The following CLCN1 variants were observed in gnomAD, a reference collection of about 807,000 sequenced individuals.
CLCN1 encodes chloride voltage-gated channel 1, also known as chloride channel protein 1.
In CLCN1, 100 loss-of-function variants were observed where a neutral mutation model predicts 114.5. That is an observed-to-expected ratio of 0.87 (90% CI 0.74 to 1.03). The LOEUF is 1.03. Among genes scored for constraint, CLCN1 ranks in the 50% least tolerant of loss-of-function variants. The probability of loss-of-function intolerance (pLI) is 0.00; values close to 1 mark genes in which losing one functional copy is unlikely to be tolerated. For synonymous variants in CLCN1, 485 were observed against 487.1 expected, an observed-to-expected ratio of 1.00 and a Z score of 0.06; for missense variants, 1,188 against 1,250.0, an observed-to-expected ratio of 0.95 and a Z score of 0.75.
intron 16 of CLCN1, among the ~76,000 whole-genome samples, chr7:143,345,075 A>T (rs1384508331): frequency 1.3e-5 from 2 of 152,184 alleles, no homozygotes; most frequent in African/African-American, 4.8e-5. Flanking sequence ...ATGAAATGTC[A>T]GATACAAAAG....
At position 143,321,964 on chromosome 7, in the gene CLCN1, G is replaced by C; in HGVS notation, c.696+116G>C. 8.5e-7 allele frequency: 1 copy of C among 1,170,536 alleles called. No homozygotes were observed. Among genetic ancestry groups the C allele is most frequent in the Non-Finnish European group, 1.2e-6 (1 of 834,030 alleles). 72.5% of individuals were successfully genotyped at this position (1,170,536 alleles called of 1,614,324 possible). On this transcript the variant is annotated intron_variant, in intron 5 of 22. Transcript: ENST00000343257. This position sits in a 1 kb window ranked among gnomAD's most constrained non-coding sequence, Gnocchi z 4.2. ...GGATCAGGGGACAGGACCAAGGCCA[G>C]GGCCAGGGGACACTAGGAAGGGGAA...
At position 143,324,464 on chromosome 7, in the gene CLCN1, C is replaced by T. The variant is rs947251147; in HGVS notation, c.825C>T (p.Val275=). 45 of 1,613,744 alleles carry T rather than the reference C, an allele frequency of 2.8e-5. No individual in the cohort carries two copies. Among genetic ancestry groups the T allele is most frequent in the Non-Finnish European group, 3.6e-5 (42 of 1,179,938 alleles). The change falls in exon 7 of 23, where the codon GTC becomes GTT. Residue 275 remains valine (V), a synonymous_variant. Coordinates refer to ENST00000343257, the MANE Select transcript of CLCN1 (RefSeq NM_000083.3). The surrounding 1 kb of genome is among the most constrained non-coding windows in gnomAD (Gnocchi z 4.6). ...TGACGGTGGGCTGTGCTGTGGGAGT[C>T]GGCTGTTGTTTTGGGACACCACTTG... ...DILTVGCAVG[V]GCCFGTPLGG...
chr7:143,345,619 A>T lies in CLCN1; in HGVS notation c.2029A>T (p.Met677Leu). The T allele has an allele frequency of 6.4e-7, 1 of 1,559,668 alleles. No homozygotes were observed. The highest frequency in any genetic ancestry group is 8.7e-7 in the Non-Finnish European group (1 of 1,152,322). ...PERRLRAAQEMARKLSELPYD... is the reference protein window; with the variant it reads ...PERRLRAAQELARKLSELPYD... ...GCGCAGGCTGCGCGCAGCCCAAGAG[A>T]TGGCGCGGAAGTTGTCGGAGCTGCC... The change falls in exon 17 of 23, where the codon ATG becomes TTG. Residue 677 changes from methionine to leucine, a missense_variant. Met to Leu is a conservative substitution (Grantham distance 15). Transcript: ENST00000343257.
chr7:143,351,222 G>A (rs1440383701), intron 22 of CLCN1, among the ~76,000 whole-genome samples: 1 of 152,042 alleles, frequency 6.6e-6, no homozygotes, highest in Non-Finnish European at 1.5e-5. Context: ...ATCTTCTGTA[G>A]ATAGTGTGGG....
chr7:143,331,217 C>T lies in CLCN1; in HGVS notation c.980-15C>T. Reference sequence around the variant, plus strand: ...ACGAAGCTCCCATCGTAATACTGGCCTTTCCATCCTACAGTCACCATCACT... The same window carrying T: ...ACGAAGCTCCCATCGTAATACTGGCTTTTCCATCCTACAGTCACCATCACT... On this transcript the variant is annotated splice_polypyrimidine_tract_variant and intron_variant, in intron 8 of 22. Coordinates refer to ENST00000343257, the MANE Select transcript of CLCN1 (RefSeq NM_000083.3). 6.3e-7 allele frequency: 1 copy of T among 1,590,322 alleles called. No homozygotes were observed. The highest frequency in any genetic ancestry group is 8.6e-7 in the Non-Finnish European group (1 of 1,158,316).
intron 1 of CLCN1, among the ~76,000 whole-genome samples, chr7:143,318,285 C>T (rs774143912): frequency 7.2e-5 from 11 of 152,096 alleles, no homozygotes; most frequent in South Asian, 6.2e-4. Context: ...TGCAATGGCG[C>T]GATCTCAGCT....
At chr7:143,349,501 G>GA in intron 20 of CLCN1, among the ~76,000 whole-genome samples, 1 of 152,214 alleles carries the variant, frequency 6.6e-6, no homozygotes, top group Non-Finnish European at 1.5e-5. Flanking sequence ...AGAAATTTTA[G>GA]AAAAATGTAA....
At chr7:143,316,973 A>C (rs898865582) in intron 1 of CLCN1, among the ~76,000 whole-genome samples, 61 of 152,338 alleles carry the variant, frequency 4.0e-4, no homozygotes, top group African/African-American at 1.4e-3. Context: ...ATTAAGTGTT[A>C]GGCACCTGGA....
intron 16 of CLCN1, among the ~76,000 whole-genome samples, chr7:143,344,202 C>T (rs538420414): frequency 6.6e-6 from 1 of 152,256 alleles, no homozygotes; most frequent in Middle Eastern, 3.4e-3. Context: ...ATTTCTCTGC[C>T]TTCACCATCA....
Position 143,351,828 on chromosome 7 carries a change from C to G in CLCN1, c.2830C>G (p.Pro944Ala). ...CCCAGAGCCCCCTCTCTCCCTGGCC[C>G]CAGGCAAGGTAGAGGGCGAGTTGGA... ...PSPEPPLSLA[P>A]GKVEGELEEL... Residue 944 changes from proline (P) to alanine (A), a missense_variant, in exon 23 of 23, where the codon CCA (proline) becomes GCA (alanine). Transcript: ENST00000343257. 1 of 1,613,916 alleles carries G rather than the reference C, an allele frequency of 6.2e-7. No individual in the cohort carries two copies. The highest frequency in any genetic ancestry group is 1.3e-5 in the African/African-American group (1 of 75,014).
intron 5 of CLCN1, among the ~76,000 whole-genome samples, chr7:143,322,324 G>T (rs1586486612): frequency 6.6e-6 from 1 of 152,254 alleles, no homozygotes; most frequent in Non-Finnish European, 1.5e-5. Context: ...CTAGGACTGA[G>T]AAAGAGGCTG....
intron 17 of CLCN1, 131 bp downstream of exon 17, chr7:143,345,893 G>T: frequency 7.9e-7 from 1 of 1,272,852 alleles, no homozygotes; most frequent in Non-Finnish European, 1.1e-6. Context: ...GGAGGGGAGA[G>T]TCTGGTAACT....
In CLCN1 at chr7:143,342,097, T is replaced by A; in HGVS notation, c.1751T>A (p.Val584Asp). 6.2e-7 allele frequency: 1 copy of A among 1,614,136 alleles called. No homozygotes were observed. The highest frequency in any genetic ancestry group is 8.5e-7 in the Non-Finnish European group (1 of 1,180,022). ...QPSLYDSIIQ[V>D]KKLPYLPDLG... is the part of the protein sequence containing the mutation. Reference sequence around the variant, plus strand: ...TCTCTCTATGACAGCATCATCCAGGTCAAGAAGCTACCCTACTTGCCTGAC... The same window carrying A: ...TCTCTCTATGACAGCATCATCCAGGACAAGAAGCTACCCTACTTGCCTGAC... The change falls in exon 15 of 23, where the codon GTC (valine) becomes GAC (aspartate). Residue 584 changes from valine (V) to aspartate (D), a missense_variant. Coordinates refer to ENST00000343257, the MANE Select transcript of CLCN1 (RefSeq NM_000083.3).
At chr7:143,327,025 A>G (rs1303091357) in intron 7 of CLCN1, among the ~76,000 whole-genome samples, 2 of 152,134 alleles carry the variant, frequency 1.3e-5, no homozygotes, top group South Asian at 2.1e-4. Flanking sequence ...AGGCAGGCGG[A>G]TCATGAGGTC....
At chr7:143,326,467 G>T (rs911173734) in intron 7 of CLCN1, among the ~76,000 whole-genome samples, 2 of 152,096 alleles carry the variant, frequency 1.3e-5, no homozygotes, top group Admixed American at 1.3e-4. Context: ...GCACACTCAG[G>T]GTGCTCCTAG....
In CLCN1 at chr7:143,350,998, A is replaced by C. The variant is rs1217026268; in HGVS notation, c.2595+344A>C. Among the ~76,000 whole-genome samples, 1 of 152,040 alleles carries C rather than the reference A, an allele frequency of 6.6e-6. No homozygotes were observed. The highest frequency in any genetic ancestry group is 2.4e-5 in the African/African-American group (1 of 41,406). ...TTGCCATGTTGGGCAGGCTAGTCTC[A>C]AACTCCTGACCTCAGGTGATCCGCC... On this transcript the variant is annotated intron_variant, in intron 22 of 22. Transcript: ENST00000343257. This position sits in a 1 kb window ranked among gnomAD's most constrained non-coding sequence, Gnocchi z 5.1.
At chr7:143,317,849 G>A (rs1802328494) in intron 1 of CLCN1, among the ~76,000 whole-genome samples, 1 of 152,108 alleles carries the variant, frequency 6.6e-6, no homozygotes, top group Non-Finnish European at 1.5e-5. Flanking sequence ...TGTGGGATCA[G>A]CAGGAGGGAA....
chr7:143,331,932 G>A (rs997345921), intron 10 of CLCN1, among the ~76,000 whole-genome samples: 4 of 152,114 alleles, frequency 2.6e-5, no homozygotes, highest in Non-Finnish European at 1.5e-5. Flanking sequence ...GGGTTCAAGC[G>A]ATTCTCATGC....
At chr7:143,346,050 G>T in intron 17 of CLCN1, 90 bp from the exon 18 acceptor site, 1 of 947,248 alleles carries the variant, frequency 1.1e-6, no homozygotes, top group African/African-American at 1.6e-5. Flanking sequence ...AATAGAGTTC[G>T]CTTTCCCAGA....
Sources: gnomAD v4.1 joint callset for allele counts (sites outside exome capture counted in the v4.1 genomes callset) on GRCh38, gnomAD v4.1.1 for gene constraint, Gnocchi (gnomAD v3.1) non-coding constraint, MANE v1.5 for transcripts, NCBI Gene and HGNC (gene_info 2026-07-23, HGNC 2026-07-21) for gene names.